Variants in CASTOR2 observed in about 807,000 individuals in gnomAD.
CASTOR2 encodes GATS protein like 2.
In CASTOR2, 8 loss-of-function variants were observed where a neutral mutation model predicts 31.2. The ratio of observed to expected loss-of-function variants is 0.26; its 90% confidence interval spans 0.15 to 0.46. The LOEUF (loss-of-function observed/expected upper bound fraction) is 0.46. CASTOR2 is among the 20% of genes least tolerant of loss of function. The pLI is 0.99. For synonymous variants in CASTOR2, 162 were observed against 158.7 expected (o/e 1.02, Z -0.16); for missense variants, 216 against 382.1 (o/e 0.57, Z 3.62).
rs1805221342 is a variant in CASTOR2 at position 75,028,975 on chromosome 7, C to T, written c.*4276C>T. ...AAGGAAGGAGCTGGGGGATCAGAGG[C>T]TTCCAGTGTGGCCTCCGGAAGCAGC... On this transcript the variant is annotated 3_prime_UTR_variant, in exon 9 of 9. Coordinates refer to ENST00000616305, the MANE Select transcript of CASTOR2 (RefSeq NM_001145064.3). 6.6e-6 allele frequency among the ~76,000 whole-genome samples: 1 copy of T among 151,046 alleles called. No homozygotes were observed. Among genetic ancestry groups the T allele is most frequent in the African/African-American group, 2.4e-5 (1 of 41,062 alleles).
intron 1 of CASTOR2, chr7:75,007,774 G>A (rs1443777425): frequency 3.1e-6 from 2 of 654,550 alleles, no homozygotes; most frequent in Non-Finnish European, 5.5e-6. Context: ...AAGATTGCGG[G>A]GGTATAGTGG....
chr7:75,008,340 A>G (rs1804650620), intron 2 of CASTOR2, among the ~76,000 whole-genome samples: 1 of 152,118 alleles, frequency 6.6e-6, no homozygotes, highest in Non-Finnish European at 1.5e-5. Flanking sequence ...GTAAGTAGGT[A>G]CGGCGCTACC....
At position 75,010,833 on chromosome 7, in the gene CASTOR2, T is replaced by C. The variant is rs1389133400; in HGVS notation, c.184+2769T>C. Among the ~76,000 whole-genome samples, 508 of 150,504 alleles carry C rather than the reference T, an allele frequency of 3.4e-3. 3 individuals carry two copies. Among genetic ancestry groups the C allele is most frequent in the African/African-American group, 0.012 (488 of 41,024 alleles). On this transcript the variant is annotated intron_variant, in intron 2 of 8. Transcript: ENST00000616305. ...ATTGCCCAAGAAAAAAAAAATTGAGTGGATTTGTTTTTTTGTCTCTCTCTT... is the reference window on the plus strand; with the variant it reads ...ATTGCCCAAGAAAAAAAAAATTGAGCGGATTTGTTTTTTTGTCTCTCTCTT...
intron 2 of CASTOR2, among the ~76,000 whole-genome samples, chr7:75,015,751 G>T (rs1452259254): frequency 6.7e-6 from 1 of 148,596 alleles, no homozygotes; most frequent in South Asian, 2.1e-4. Context: ...TTTCTGGACC[G>T]TTGAGTGTAC....
intron 1 of CASTOR2, among the ~76,000 whole-genome samples, chr7:75,006,685 G>T (rs1194444201): frequency 6.6e-6 from 1 of 152,058 alleles, no homozygotes; most frequent in African/African-American, 2.4e-5. Flanking sequence ...TTGAATCATG[G>T]GGGTGGTCTC....
At chr7:74,983,490 G>A (rs1463262729) in intron 1 of CASTOR2, among the ~76,000 whole-genome samples, 9 of 146,376 alleles carry the variant, frequency 6.1e-5, no homozygotes, top group Non-Finnish European at 1.1e-4. Context: ...AATGAAGAAG[G>A]TGATAGCACC....
chr7:74,985,684 G>A (rs1804046703), intron 1 of CASTOR2, among the ~76,000 whole-genome samples: 1 of 151,034 alleles, frequency 6.6e-6, no homozygotes. Flanking sequence ...GTGACAGTGA[G>A]CATGTTCCAT....
At chr7:74,972,548 T>G (rs1189283585) in intron 1 of CASTOR2, among the ~76,000 whole-genome samples, 9 of 150,152 alleles carry the variant, frequency 6.0e-5, no homozygotes, top group Non-Finnish European at 1.3e-4. Flanking sequence ...AACTTCCTGC[T>G]GCCTTCCTGG....
intron 1 of CASTOR2, among the ~76,000 whole-genome samples, chr7:75,001,012 C>G (rs1342531910): frequency 6.6e-6 from 1 of 152,184 alleles, no homozygotes; most frequent in Non-Finnish European, 1.5e-5. Flanking sequence ...GGCAAGCTAG[C>G]AGGTGACCTT....
At chr7:74,994,985 G>A (rs1419803580) in intron 1 of CASTOR2, among the ~76,000 whole-genome samples, 1 of 152,094 alleles carries the variant, frequency 6.6e-6, no homozygotes, top group Non-Finnish European at 1.5e-5. Context: ...AGAGGAGACC[G>A]TGCGGGAGAT....
Position 75,024,532 on chromosome 7 carries a change from C to T in CASTOR2, c.922C>T (p.Leu308Phe). ...YISTFKFDHALVPEENINGVI... is the reference protein window; with the variant it reads ...YISTFKFDHAFVPEENINGVI... ...CAGTACTTTCAAGTTTGATCATGCA[C>T]TTGTGAGTGTCCAGCGCCAGACCCC... The change falls in exon 8 of 9, where the codon CTT becomes TTT. Residue 308 changes from leucine to phenylalanine, a missense_variant and splice_region_variant. By Grantham distance (22) the Leu-to-Phe change is conservative (BLOSUM62 0). This residue lies in a region of CASTOR2 where 31 missense variants were observed against 32.7 expected (regional missense o/e 0.95). Coordinates refer to ENST00000616305, the MANE Select transcript of CASTOR2 (RefSeq NM_001145064.3). 6.4e-7 allele frequency: 1 copy of T among 1,551,556 alleles called. No homozygotes were observed. The highest frequency in any genetic ancestry group is 8.7e-7 in the Non-Finnish European group (1 of 1,146,848).
Position 74,997,437 on chromosome 7 carries a change from C to CTT in CASTOR2, c.114-10543_114-10542dup, listed in dbSNP as rs879150708. ...CGGACTGCCAACTCCAAAGCATTGC[C>CTT]TTTTTTTTTTTTTTTGAGACAGAGT... is the stretch of plus-strand genomic sequence containing the variant. On this transcript the variant is annotated intron_variant, in intron 1 of 8. Coordinates refer to ENST00000616305, the MANE Select transcript of CASTOR2 (RefSeq NM_001145064.3). Among the ~76,000 whole-genome samples the CTT allele has an allele frequency of 5.6e-4, 77 of 138,092 alleles. 1 individual carries two copies. Among genetic ancestry groups the CTT allele is most frequent in the African/African-American group, 1.8e-3 (67 of 37,588 alleles). 90.6% of individuals were successfully genotyped at this position (138,092 alleles called of 152,430 possible). A position where few individuals can be genotyped will look rare whatever the true frequency, so the allele number is the denominator to read the frequency against.
chr7:74,994,009 C>T (rs1422606689), intron 1 of CASTOR2, among the ~76,000 whole-genome samples: 4 of 152,174 alleles, frequency 2.6e-5, no homozygotes, highest in Non-Finnish European at 5.9e-5. Flanking sequence ...CCCAGGATGC[C>T]CGGGGAGAGG....
intron 8 of CASTOR2, 30 bp from the exon 9 acceptor site, chr7:75,024,604 C>A (rs932274785): frequency 6.4e-7 from 1 of 1,551,356 alleles, no homozygotes; most frequent in Non-Finnish European, 8.7e-7. Context: ...GGCTCACGGG[C>A]AGGCATCTGC....
chr7:75,001,162 C>T (rs1459123208), intron 1 of CASTOR2, among the ~76,000 whole-genome samples: 8 of 152,146 alleles, frequency 5.3e-5, no homozygotes, highest in Non-Finnish European at 7.4e-5. Flanking sequence ...CTGCAACCTC[C>T]GCCTCCCAGG....
rs1182944808 is a variant in CASTOR2, at chr7:75,027,369, A to C, written c.*2670A>C. Reference sequence around the variant, plus strand: ...TGATCCCGAGGGAGGAGTATTTGGAATTTCTTGCTTTTAACCAGAATGCCC... The same window carrying C: ...TGATCCCGAGGGAGGAGTATTTGGACTTTCTTGCTTTTAACCAGAATGCCC... On this transcript the variant is annotated 3_prime_UTR_variant, in exon 9 of 9. Transcript: ENST00000616305. 1 of 152,682 alleles carries C rather than the reference A, an allele frequency of 6.5e-6. No homozygotes were observed. Among genetic ancestry groups the C allele is most frequent in the African/African-American group, 2.4e-5 (1 of 41,360 alleles). 9.5% of individuals were successfully genotyped at this position (152,682 alleles called of 1,614,324 possible).
At chr7:75,016,269 C>T (rs1170740484) in intron 2 of CASTOR2, among the ~76,000 whole-genome samples, 1 of 152,238 alleles carries the variant, frequency 6.6e-6, no homozygotes, top group African/African-American at 2.4e-5. Flanking sequence ...ACATTCAGGG[C>T]TACTCAGGGT....
chr7:75,030,669 C>T lies in CASTOR2; in HGVS notation c.*5970C>T, dbSNP rs1357236927. Among the ~76,000 whole-genome samples, 2 of 152,160 alleles carry T rather than the reference C, an allele frequency of 1.3e-5. No homozygotes were observed. Among genetic ancestry groups the T allele is most frequent in the Admixed American group, 6.5e-5 (1 of 15,280 alleles). On this transcript the variant is annotated 3_prime_UTR_variant, in exon 9 of 9. Coordinates refer to ENST00000616305, the MANE Select transcript of CASTOR2 (RefSeq NM_001145064.3). Reference sequence around the variant, plus strand: ...GCTTGAGTGTCTTCACAATATGGCGCTCGGCTTCCCCCCAGAGCAAGAGAT... The same window carrying T: ...GCTTGAGTGTCTTCACAATATGGCGTTCGGCTTCCCCCCAGAGCAAGAGAT...
At chr7:74,974,348 G>C (rs185029789) in intron 1 of CASTOR2, among the ~76,000 whole-genome samples, 1 of 149,754 alleles carries the variant, frequency 6.7e-6, no homozygotes, top group Admixed American at 6.7e-5. Flanking sequence ...TAGGAAGCGC[G>C]AAAGGAGTTT....
Sources: allele counts gnomAD v4.1 joint callset (sites outside exome capture counted in the v4.1 genomes callset), GRCh38; gene constraint gnomAD v4.1.1; regional missense constraint gnomAD v4.1.1; transcripts MANE v1.5; gene names NCBI Gene and HGNC (gene_info 2026-07-23, HGNC 2026-07-21).